The following STAB2 variants were observed in gnomAD, a reference collection of about 807,000 sequenced individuals.
STAB2 encodes stabilin 2, also known as stabilin-2.
In STAB2, 288 loss-of-function variants were observed where a neutral mutation model predicts 338.1. The ratio of observed to expected loss-of-function variants is 0.85; its 90% confidence interval spans 0.77 to 0.94. The LOEUF (loss-of-function observed/expected upper bound fraction) is 0.94. STAB2 is among the 40% of genes least tolerant of loss of function. The pLI, the probability that STAB2 is intolerant of heterozygous loss-of-function variation, is 0.00. For synonymous variants in STAB2, 1,202 were observed against 1,193.3 expected (o/e 1.01, Z -0.15); for missense variants, 3,141 against 3,210.1 (o/e 0.98, Z 0.52).
rs1460904289 is a variant in STAB2, at chr12:103,735,486, T to C, written c.5461-5T>C. ...GGCAGTCACGTGGTGCCATCACTCCTACAGGTTTTAGCTGTGGATCTTCCC... is the reference window on the plus strand; with the variant it reads ...GGCAGTCACGTGGTGCCATCACTCCCACAGGTTTTAGCTGTGGATCTTCCC... On this transcript the variant is annotated splice_region_variant and splice_polypyrimidine_tract_variant and intron_variant, in intron 51 of 68. Transcript: ENST00000388887. The C allele has an allele frequency of 6.2e-7, 1 of 1,604,122 alleles. No individual in the cohort carries two copies.
intron 5 of STAB2, among the ~76,000 whole-genome samples, chr12:103,626,876 T>C (rs535775432): frequency 3.3e-4 from 51 of 152,336 alleles, no homozygotes; most frequent in African/African-American, 1.2e-3. Flanking sequence ...AAGATTTTCA[T>C]CTCTGTGGCC....
intron 54 of STAB2, among the ~76,000 whole-genome samples, chr12:103,739,861 C>T (rs182767273): frequency 2.4e-4 from 37 of 152,306 alleles, no homozygotes; most frequent in African/African-American, 7.7e-4. Context: ...TTATTACCTA[C>T]ACTTTACTTA....
At chr12:103,626,139 A>G (rs1957377651) in intron 5 of STAB2, among the ~76,000 whole-genome samples, 2 of 152,240 alleles carry the variant, frequency 1.3e-5, no homozygotes, top group South Asian at 2.1e-4. Context: ...CTGGATTCCA[A>G]TAGAACTTTC....
intron 17 of STAB2, among the ~76,000 whole-genome samples, chr12:103,661,632 A>G (rs1035304780): frequency 6.6e-6 from 1 of 152,232 alleles, no homozygotes; most frequent in Non-Finnish European, 1.5e-5. Context: ...GAAGGTGGGG[A>G]TGGAGCTGAC....
chr12:103,610,584 C>G (rs543006934), intron 3 of STAB2, among the ~76,000 whole-genome samples: 229 of 152,054 alleles, frequency 1.5e-3, no homozygotes, highest in African/African-American at 5.3e-3. Context: ...CTCTTTTCTT[C>G]TTTATTAATC....
At chr12:103,619,759 C>CA (rs953006453) in intron 3 of STAB2, among the ~76,000 whole-genome samples, 3 of 151,306 alleles carry the variant, frequency 2.0e-5, no homozygotes, top group Non-Finnish European at 4.4e-5. Flanking sequence ...GCCCCCCGCC[C>CA]CCGCCACCCC....
Position 103,737,710 on chromosome 12 carries a change from G to A in STAB2, c.5627G>A (p.Gly1876Asp). The A allele has an allele frequency of 6.2e-7, 1 of 1,612,952 alleles. No homozygotes were observed. Among genetic ancestry groups the A allele is most frequent in the Non-Finnish European group, 8.5e-7 (1 of 1,179,700 alleles). Residue 1876 changes from glycine to aspartate, a missense_variant, in exon 53 of 69, where the codon GGC becomes GAC. Gly to Asp is a moderately conservative substitution (Grantham distance 94). Transcript: ENST00000388887. ...ELLFDLGVAYGIDCLLIDPTL... is the reference protein window; with the variant it reads ...ELLFDLGVAYDIDCLLIDPTL... ...TTGTTTGACCTGGGTGTGGCCTACGGCATTGACTGTCTGCTGATTGATCCC... is the reference window on the plus strand; with the variant it reads ...TTGTTTGACCTGGGTGTGGCCTACGACATTGACTGTCTGCTGATTGATCCC...
chr12:103,674,159 T>TGAGTCATTAA, intron 23 of STAB2, 72 bp downstream of exon 23: 1 of 1,520,544 alleles, frequency 6.6e-7, no homozygotes, highest in African/African-American at 1.4e-5. Flanking sequence ...TTAATGACGC[T>TGAGTCATTAA]GTGTTACCTG....
chr12:103,745,182 G>T lies in STAB2; in HGVS notation c.6041G>T (p.Cys2014Phe). The change falls in exon 57 of 69, where the codon TGC (cysteine) becomes TTC (phenylalanine). Residue 2014 changes from cysteine (C) to phenylalanine (F), a missense_variant. Coordinates refer to ENST00000388887, the MANE Select transcript of STAB2 (RefSeq NM_017564.10). ...RFGPDCLPCG[C>F]SDHGQCDDGI... ...CCTAATTTGTTTACAGCCTGTGGCT[G>T]CTCAGACCACGGACAGTGCGATGAT... 1 of 1,613,144 alleles carries T rather than the reference G, an allele frequency of 6.2e-7. No homozygotes were observed.
chr12:103,696,390 A>C (rs554602986), intron 33 of STAB2, among the ~76,000 whole-genome samples: 4 of 152,102 alleles, frequency 2.6e-5, no homozygotes, highest in African/African-American at 4.8e-5. Flanking sequence ...TCCAGCTTCA[A>C]ATGTGTCTTC....
At chr12:103,612,684 C>T (rs1223121018) in intron 3 of STAB2, among the ~76,000 whole-genome samples, 1 of 152,344 alleles carries the variant, frequency 6.6e-6, no homozygotes, top group South Asian at 2.1e-4. Flanking sequence ...CTTCTCTCAA[C>T]TCGTCAAAGT....
chr12:103,684,015 A>G (rs1877171410), intron 26 of STAB2, among the ~76,000 whole-genome samples: 2 of 152,324 alleles, frequency 1.3e-5, no homozygotes, highest in Middle Eastern at 3.4e-3. Context: ...CCAAGAGCCC[A>G]GAACCAGGAC....
At chr12:103,625,947 A>G (rs1005459498) in intron 5 of STAB2, among the ~76,000 whole-genome samples, 5 of 152,284 alleles carry the variant, frequency 3.3e-5, no homozygotes, top group Non-Finnish European at 5.9e-5. Context: ...GACTTCCACA[A>G]TGGTTGAACT....
chr12:103,616,159 G>A lies in STAB2; in HGVS notation c.332-4309G>A, dbSNP rs551801947. Among the ~76,000 whole-genome samples, 55 of 152,238 alleles carry A rather than the reference G, an allele frequency of 3.6e-4. 1 individual carries two copies. The South Asian group carries it at 0.011, about 29-fold the overall frequency. On this transcript the variant is annotated intron_variant, in intron 3 of 68. Coordinates refer to ENST00000388887, the MANE Select transcript of STAB2 (RefSeq NM_017564.10). Reference sequence around the variant, plus strand: ...AATGTCCAGACTTCCTAAACACAAGGTCACACTCTTGGGAGCTTGGATTGG... The same window carrying A: ...AATGTCCAGACTTCCTAAACACAAGATCACACTCTTGGGAGCTTGGATTGG...
chr12:103,666,489 A>G (rs940400326), intron 19 of STAB2, 136 bp downstream of exon 19: 2 of 839,128 alleles, frequency 2.4e-6, no homozygotes, highest in South Asian at 3.1e-5. Context: ...GTAGCCTACT[A>G]TATGGGGGAT....
chr12:103,643,918 C>A (rs1873113854), intron 9 of STAB2, among the ~76,000 whole-genome samples: 4 of 75,428 alleles, frequency 5.3e-5, no homozygotes, highest in Admixed American at 1.2e-4. Flanking sequence ...AAGTGAGGAG[C>A]CCCTCTGCCC....
At chr12:103,608,203 A>G (rs1376546339) in intron 3 of STAB2, among the ~76,000 whole-genome samples, 1 of 152,142 alleles carries the variant, frequency 6.6e-6, no homozygotes, top group Admixed American at 6.5e-5. Flanking sequence ...CAGTGGTGCA[A>G]TCTTGGCTCA....
chr12:103,729,971 A>G, intron 48 of STAB2, 145 bp from the exon 49 acceptor site: 1 of 679,408 alleles, frequency 1.5e-6, no homozygotes, highest in Non-Finnish European at 2.3e-6. Flanking sequence ...CTTTATAATC[A>G]TAATAAAAAT....
rs367757121 is a variant in STAB2 at position 103,603,164 on chromosome 12, G to A, written c.331+8654G>A. Among the ~76,000 whole-genome samples, 83 of 152,138 alleles carry A rather than the reference G, an allele frequency of 5.5e-4. 1 individual carries two copies. In the South Asian group the frequency reaches 0.017, roughly 30 times the overall value. On this transcript the variant is annotated intron_variant, in intron 3 of 68. Coordinates refer to ENST00000388887, the MANE Select transcript of STAB2 (RefSeq NM_017564.10). ...CGGCTCACTGCAAGCTCTGCCTCCCGGGTTCACACCATTCTCCTGTCTCAG... is the reference window on the plus strand; with the variant it reads ...CGGCTCACTGCAAGCTCTGCCTCCCAGGTTCACACCATTCTCCTGTCTCAG...
Sources: allele counts gnomAD v4.1 joint callset (sites outside exome capture counted in the v4.1 genomes callset), GRCh38; gene constraint gnomAD v4.1.1; transcripts MANE v1.5; gene names NCBI Gene and HGNC (gene_info 2026-07-23, HGNC 2026-07-21).